NELL2: variants seen among roughly 807,000 people sequenced by gnomAD.
NELL2 encodes neural EGFL like 2, also known as protein kinase C-binding protein NELL2.
NELL2 carries 41 observed loss-of-function variants against 109.6 expected under a neutral mutation model. The ratio of observed to expected loss-of-function variants is 0.37; its 90% CI spans 0.29 to 0.49. The LOEUF (loss-of-function observed/expected upper bound fraction) is 0.49, where lower values mean the gene tolerates loss of function less well. NELL2 is among the 20% of genes least tolerant of loss of function. The pLI, the probability that NELL2 is intolerant of heterozygous loss-of-function variation, is 0.98. For missense variants in NELL2, 900 were observed against 1,008.3 expected (o/e 0.89, Z 1.45); for synonymous variants, 355 against 344.7 (o/e 1.03, Z -0.33).
At chr12:44,517,594 T>C (rs921703423) in intron 19 of NELL2, among the ~76,000 whole-genome samples, 2 of 152,194 alleles carry the variant, frequency 1.3e-5, no homozygotes, top group African/African-American at 4.8e-5. Flanking sequence ...CTATCTAATA[T>C]GACAGCCAGT....
intron 2 of NELL2, among the ~76,000 whole-genome samples, chr12:44,820,885 T>C (rs753474032): frequency 1.3e-5 from 2 of 151,910 alleles, no homozygotes; most frequent in African/African-American, 2.4e-5. Context: ...AGGTTAAAGT[T>C]GACAATATAG....
chr12:44,912,855 T>C (rs1945794865), intron 1 of NELL2, among the ~76,000 whole-genome samples: 1 of 152,192 alleles, frequency 6.6e-6, no homozygotes. Context: ...GCATGGACAC[T>C]TGGTAGCCAA....
intron 1 of NELL2, among the ~76,000 whole-genome samples, chr12:44,893,217 TG>T (rs1945555679): frequency 6.6e-6 from 1 of 152,192 alleles, no homozygotes. Context: ...TTTCCTGGTT[TG>T]TGGCAGCAGA....
At chr12:44,672,575 T>C (rs1441550972) in intron 12 of NELL2, among the ~76,000 whole-genome samples, 1 of 152,154 alleles carries the variant, frequency 6.6e-6, no homozygotes, top group Non-Finnish European at 1.5e-5. Context: ...TATCAAACTT[T>C]GTTAATTGAA....
intron 12 of NELL2, among the ~76,000 whole-genome samples, chr12:44,687,854 A>G (rs970519061): frequency 2.1e-4 from 32 of 152,304 alleles, no homozygotes; most frequent in African/African-American, 5.1e-4. Flanking sequence ...TGTTACTTCA[A>G]ATGGATTCCT....
chr12:44,598,163 C>CAA (rs10538007), intron 15 of NELL2, among the ~76,000 whole-genome samples: 18 of 122,862 alleles, frequency 1.5e-4, no homozygotes, highest in Non-Finnish European at 2.6e-4. Context: ...TTTATTCTCT[C>CAA]AAAAAAAAAA....
chr12:44,873,526 G>A (rs1945224098), intron 2 of NELL2, among the ~76,000 whole-genome samples: 1 of 152,032 alleles, frequency 6.6e-6, no homozygotes, highest in South Asian at 2.1e-4. Context: ...ATTTGTGACA[G>A]ATCAGACACT....
At chr12:44,522,303 A>G in intron 17 of NELL2, 127 bp from the exon 18 acceptor site, 1 of 688,654 alleles carries the variant, frequency 1.5e-6, no homozygotes, top group Non-Finnish European at 2.1e-6. Context: ...CTTATCTGAT[A>G]TAATAAATTT....
chr12:44,590,148 T>A (rs947278683), intron 15 of NELL2, among the ~76,000 whole-genome samples: 1 of 152,172 alleles, frequency 6.6e-6, no homozygotes, highest in Non-Finnish European at 1.5e-5. Context: ...TTATAATGCT[T>A]ATAGTTGCTT....
chr12:44,606,074 C>T (rs561678888), intron 15 of NELL2, among the ~76,000 whole-genome samples: 1 of 152,122 alleles, frequency 6.6e-6, no homozygotes, highest in African/African-American at 2.4e-5. Flanking sequence ...AAGATAGACA[C>T]TATGCATTGT....
At position 44,876,050 on chromosome 12, in the gene NELL2, C is replaced by T; in HGVS notation, c.-181G>A. On this transcript the variant is annotated 5_prime_UTR_variant, in exon 1 of 20. Coordinates refer to ENST00000429094, the MANE Select transcript of NELL2 (RefSeq NM_001145108.2). ...AAGAAAAGGGAGGCCTCCCCAGGCGCGTGAAGAACTTAGACCCTCCAATGC... is the reference window on the plus strand; with the variant it reads ...AAGAAAAGGGAGGCCTCCCCAGGCGTGTGAAGAACTTAGACCCTCCAATGC... The T allele has an allele frequency of 6.8e-7, 1 of 1,466,464 alleles. No homozygotes were observed. Among genetic ancestry groups the T allele is most frequent in the Non-Finnish European group, 9.0e-7 (1 of 1,115,464 alleles). 90.8% of individuals were successfully genotyped at this position (1,466,464 alleles called of 1,614,324 possible). A position where few individuals can be genotyped will look rare whatever the true frequency, so the allele number is the denominator to read the frequency against.
chr12:44,803,704 G>A (rs570423672), intron 3 of NELL2, among the ~76,000 whole-genome samples: 4 of 151,884 alleles, frequency 2.6e-5, no homozygotes, highest in Admixed American at 6.6e-5. Flanking sequence ...TATATAAAGC[G>A]TTCTTACAAA....
chr12:44,724,715 A>C (rs946588588), intron 9 of NELL2, among the ~76,000 whole-genome samples: 6 of 151,958 alleles, frequency 3.9e-5, no homozygotes, highest in Admixed American at 3.9e-4. Context: ...TATTCCTATA[A>C]AACTACCAAT....
intron 10 of NELL2, among the ~76,000 whole-genome samples, chr12:44,713,408 T>C (rs569626401): frequency 7.9e-5 from 12 of 152,084 alleles, no homozygotes; most frequent in Admixed American, 3.3e-4. Context: ...CATTTTGGAG[T>C]TACTAGATCT....
At chr12:44,893,417 A>T (rs1037451315) in intron 1 of NELL2, among the ~76,000 whole-genome samples, 6 of 152,258 alleles carry the variant, frequency 3.9e-5, no homozygotes, top group African/African-American at 1.4e-4. Context: ...TTAGAAATAT[A>T]TGTATAATCA....
rs373538526 is a variant in NELL2, at chr12:44,685,450, A to T, written c.1318+18276T>A. ...ATATTGTTATGTGTGAATTTGATCC[A>T]GTCATTATGATATTAGCTGGTTATT... On this transcript the variant is annotated intron_variant, in intron 12 of 19. Transcript: ENST00000429094. Among the ~76,000 whole-genome samples, 81 of 151,796 alleles carry T rather than the reference A, an allele frequency of 5.3e-4. 1 individual carries two copies. The highest frequency in any genetic ancestry group is 1.6e-3 in the African/African-American group (66 of 41,366).
intron 3 of NELL2, among the ~76,000 whole-genome samples, chr12:44,799,822 C>T (rs925517520): frequency 6.6e-6 from 1 of 152,002 alleles, no homozygotes; most frequent in East Asian, 1.9e-4. Flanking sequence ...AACTCCTACC[C>T]AAGAGTTATT....
intron 2 of NELL2, 89 bp from the exon 3 acceptor site, chr12:44,816,225 C>G (rs1943345337): frequency 8.6e-7 from 1 of 1,166,522 alleles, no homozygotes; most frequent in Admixed American, 2.6e-5. Context: ...AAAACTTTAT[C>G]AAGTTTATCA....
In NELL2 at chr12:44,700,530, T is replaced by C. The variant is rs188943640; in HGVS notation, c.1318+3196A>G. Among the ~76,000 whole-genome samples, 401 of 152,270 alleles carry C rather than the reference T, an allele frequency of 2.6e-3. 4 individuals carry two copies. Among genetic ancestry groups the C allele is most frequent in the African/African-American group, 8.7e-3 (363 of 41,588 alleles). The stretch of plus-strand genomic sequence containing the variant: ...TTCTTAAAAAGTCCTTCTTTCTACC[T>C]GAAGGCCCTTAGATATGCTGATTTA... On this transcript the variant is annotated intron_variant, in intron 12 of 19. Coordinates refer to ENST00000429094, the MANE Select transcript of NELL2 (RefSeq NM_001145108.2).
Sources: gnomAD v4.1 joint callset for allele counts (sites outside exome capture counted in the v4.1 genomes callset) on GRCh38, gnomAD v4.1.1 for gene constraint, MANE v1.5 for transcripts, NCBI Gene and HGNC (gene_info 2026-07-23, HGNC 2026-07-21) for gene names.